Variants in PCNX2 observed in about 807,000 individuals in gnomAD.
The protein encoded by PCNX2 is pecanex 2.
A neutral mutation model predicts 223.8 loss-of-function variants in PCNX2; 168 were observed. That is an observed-to-expected ratio of 0.75 (90% confidence interval 0.66 to 0.85). The LOEUF (loss-of-function observed/expected upper bound fraction) is 0.85, where lower values mean the gene tolerates loss of function less well. Among genes scored for constraint, PCNX2 ranks in the 40% least tolerant of loss-of-function variants. PCNX2 has a pLI of 0.00. For synonymous variants in PCNX2, 1,006 were observed against 1,052.6 expected (o/e 0.96, Z 0.86); for missense variants, 2,507 against 2,675.5 (o/e 0.94, Z 1.39).
chr1:232,994,341 C>T (rs370558173), intron 32 of PCNX2, among the ~76,000 whole-genome samples: 3 of 152,250 alleles, frequency 2.0e-5, no homozygotes, highest in African/African-American at 4.8e-5. Flanking sequence ...TAATGACTGA[C>T]CAGCTGGGTG....
At position 232,991,237 on chromosome 1, in the gene PCNX2, C is replaced by T. The variant is rs1669686077; in HGVS notation, c.5792-4697G>A. Among the ~76,000 whole-genome samples the T allele has an allele frequency of 6.6e-6, 1 of 151,924 alleles. No homozygotes were observed. Among genetic ancestry groups the T allele is most frequent in the Non-Finnish European group, 1.5e-5 (1 of 67,992 alleles). On this transcript the variant is annotated intron_variant, in intron 32 of 33. Coordinates refer to ENST00000258229, the MANE Select transcript of PCNX2 (RefSeq NM_014801.4). The surrounding 1 kb of genome is among the most constrained non-coding windows in gnomAD (Gnocchi z 4.3). ...TTTGATGGGAGGCTGTGTGAGTAAG[C>T]GAAGGAGCTGCAAGCCTGGGAGAGG...
At chr1:233,263,270 A>T (rs905740301) in intron 1 of PCNX2, 107 bp from the exon 2 acceptor site, 2 of 933,662 alleles carry the variant, frequency 2.1e-6, no homozygotes, top group Admixed American at 3.3e-5. Flanking sequence ...ATTAGGCAAG[A>T]TTTCAAATTA....
rs1670097332 is a variant in PCNX2 at position 233,001,759 on chromosome 1, G to T, written c.4953-78C>A. 1.6e-6 allele frequency: 2 copies of T among 1,289,546 alleles called. No individual in the cohort carries two copies. Among genetic ancestry groups the T allele is most frequent in the South Asian group, 4.5e-5 (2 of 44,542 alleles). 79.9% of individuals were successfully genotyped at this position (1,289,546 alleles called of 1,614,324 possible). ...TGAGCAAAGTTTGAGTCTCCCATTT[G>T]TCTAAGAATTATCTTAACATTTAGG... On this transcript the variant is annotated intron_variant, in intron 28 of 33. Coordinates refer to ENST00000258229, the MANE Select transcript of PCNX2 (RefSeq NM_014801.4). This position sits in a 1 kb window ranked among gnomAD's most constrained non-coding sequence, Gnocchi z 4.2.
At chr1:233,132,357 T>C (rs1676554643) in intron 21 of PCNX2, among the ~76,000 whole-genome samples, 2 of 152,172 alleles carry the variant, frequency 1.3e-5, no homozygotes, top group Admixed American at 1.3e-4. Flanking sequence ...CAGCCATGCT[T>C]ACTCCCTTTC....
At chr1:233,064,446 T>C (rs1203173506) in intron 23 of PCNX2, among the ~76,000 whole-genome samples, 1 of 152,218 alleles carries the variant, frequency 6.6e-6, no homozygotes, top group African/African-American at 2.4e-5. Flanking sequence ...TCCTTCTCTG[T>C]GTTGGGTGTT....
At chr1:233,119,097 A>G (rs764695838) in intron 21 of PCNX2, among the ~76,000 whole-genome samples, 6 of 152,286 alleles carry the variant, frequency 3.9e-5, no homozygotes, top group South Asian at 4.1e-4. Context: ...AAGCAATTCG[A>G]GGAAGGAAAG....
chr1:233,208,826 C>CAAAAAAAAAAAAAAAAAAAAAAAAAAAA (rs71173255), intron 12 of PCNX2, 137 bp from the exon 13 acceptor site: 10 of 59,526 alleles, frequency 1.7e-4, no homozygotes, highest in South Asian at 7.3e-4. Flanking sequence ...AATTCATATA[C>CAAAAAAAAAAAAAAAAAAAAAAAAAAAA]AAAAAAAAAA....
the PCNX2 span, among the ~76,000 whole-genome samples, chr1:233,311,076 TGAG>T: frequency 6.6e-6 from 1 of 152,338 alleles, no homozygotes; most frequent in East Asian, 1.9e-4. Flanking sequence ...TCTCTGACTA[TGAG>T]GAGAACATCC....
chr1:233,028,700 T>A (rs56370878), intron 25 of PCNX2, among the ~76,000 whole-genome samples: 21,295 of 152,196 alleles, frequency 0.14, 1,546 homozygotes, highest in East Asian at 0.22. Context: ...TTTTATCTAG[T>A]CTGATGATCT....
chr1:233,235,915 G>T (rs1304241213), intron 9 of PCNX2, among the ~76,000 whole-genome samples: 2 of 137,428 alleles, frequency 1.5e-5, no homozygotes, highest in African/African-American at 5.4e-5. Flanking sequence ...TTGTATTGTT[G>T]AGCATCCTTT....
chr1:233,183,507 C>T (rs1251192999), intron 15 of PCNX2, among the ~76,000 whole-genome samples: 1 of 152,166 alleles, frequency 6.6e-6, no homozygotes. Flanking sequence ...CAGTGAAATG[C>T]TGCGGAAGTG....
chr1:233,161,349 T>C lies in PCNX2; in HGVS notation c.3288A>G (p.Lys1096=), dbSNP rs1174745595. The change falls in exon 18 of 34, where the codon AAA becomes AAG. Residue 1096 remains lysine (K), a synonymous_variant. Coordinates refer to ENST00000258229, the MANE Select transcript of PCNX2 (RefSeq NM_014801.4). ...CCACTGCGCAGACGATGAGATCCCA[T>C]TTTAAGACATCCGTCTGGAAAGAGA... ...KMKDSVTDVL[K]WDLIVCAVVA... is the part of the protein sequence containing the mutation. 2 of 1,613,640 alleles carry C rather than the reference T, an allele frequency of 1.2e-6. No homozygotes were observed. Among genetic ancestry groups the C allele is most frequent in the Middle Eastern group, 1.6e-4 (1 of 6,070 alleles).
chr1:232,989,997 G>T (rs1274594699), intron 32 of PCNX2, among the ~76,000 whole-genome samples: 1 of 152,206 alleles, frequency 6.6e-6, no homozygotes, highest in East Asian at 1.9e-4. Context: ...CCCCATAGCT[G>T]GAGACTGGCC....
chr1:233,080,679 T>G (rs1673318280), intron 23 of PCNX2, among the ~76,000 whole-genome samples: 1 of 151,816 alleles, frequency 6.6e-6, no homozygotes, highest in East Asian at 1.9e-4. Context: ...GGGCACTAAT[T>G]CCATGCATAA....
intron 1 of PCNX2, among the ~76,000 whole-genome samples, chr1:233,269,444 G>C (rs893187283): frequency 6.6e-6 from 1 of 152,054 alleles, no homozygotes; most frequent in South Asian, 2.1e-4. Flanking sequence ...AAAAGAAAAC[G>C]CACCCATAAA....
At chr1:233,118,635 G>T (rs1246052830) in intron 21 of PCNX2, among the ~76,000 whole-genome samples, 1 of 151,642 alleles carries the variant, frequency 6.6e-6, no homozygotes, top group Non-Finnish European at 1.5e-5. Context: ...TCAAAAAAAG[G>T]ATCACATAAA....
At chr1:233,167,784 C>T (rs1678887923) in intron 17 of PCNX2, 9 of 984,506 alleles carry the variant, frequency 9.1e-6, no homozygotes, top group African/African-American at 1.7e-5. Context: ...GTGAAAGCAG[C>T]CTTTAATAAG....
chr1:233,304,188 G>T, the PCNX2 span, among the ~76,000 whole-genome samples: 1 of 152,184 alleles, frequency 6.6e-6, no homozygotes, highest in Non-Finnish European at 1.5e-5. Flanking sequence ...CAGTGGACAG[G>T]ATGGTGTCAG....
At position 233,218,264 on chromosome 1, in the gene PCNX2, T is replaced by TC. The variant is rs1553315846; in HGVS notation, c.2505-81dup. 436 of 1,040,110 alleles carry TC rather than the reference T, an allele frequency of 4.2e-4. 4 individuals are homozygous for TC. The African/African-American group carries it at 8.0e-3, about 19-fold the overall frequency. 64.4% of individuals were successfully genotyped at this position (1,040,110 alleles called of 1,614,324 possible). The stretch of plus-strand genomic sequence containing the variant: ...GTTTTGCCTTTTTTTTTTTTTTTTT[T>TC]CTGAGATGGAATCTTGCTCTATCGC... On this transcript the variant is annotated intron_variant, in intron 10 of 33. Transcript: ENST00000258229.
Sources: allele counts gnomAD v4.1 joint callset (sites outside exome capture counted in the v4.1 genomes callset), GRCh38; gene constraint gnomAD v4.1.1; non-coding constraint Gnocchi (gnomAD v3.1); transcripts MANE v1.5; gene names NCBI Gene and HGNC (gene_info 2026-07-23, HGNC 2026-07-21).